The following ADGRL3 variants were observed in gnomAD, a reference collection of about 807,000 sequenced individuals.
The protein encoded by ADGRL3 is calcium-independent alpha-latrotoxin receptor 3.
Under a neutral mutation model 153.5 loss-of-function variants are expected in ADGRL3, and 62 were observed. The observed-to-expected ratio is 0.40, with a 90% CI of 0.33 to 0.50. The LOEUF is 0.50. ADGRL3 is among the 20% of genes least tolerant of loss of function. The pLI is 0.47. For missense variants in ADGRL3, 1,641 were observed against 1,859.4 expected (o/e 0.88, Z 2.16); for synonymous variants, 710 against 672.5 (o/e 1.06, Z -0.86).
At chr4:61,878,858 C>T (rs114640023) in intron 9 of ADGRL3, among the ~76,000 whole-genome samples, 1 of 152,106 alleles carries the variant, frequency 6.6e-6, no homozygotes, top group Non-Finnish European at 1.5e-5. Context: ...CTTCCAAGGG[C>T]TAAGGTATGA....
At chr4:61,598,212 G>T (rs1298697840) in intron 5 of ADGRL3, among the ~76,000 whole-genome samples, 1 of 151,962 alleles carries the variant, frequency 6.6e-6, no homozygotes, top group African/African-American at 2.4e-5. Context: ...ATTTTTCATG[G>T]AAAGGCATAG....
chr4:61,474,138 C>T (rs188565139), intron 2 of ADGRL3, among the ~76,000 whole-genome samples: 108 of 152,190 alleles, frequency 7.1e-4, no homozygotes, highest in African/African-American at 2.4e-3. Context: ...AGCCAGCAGA[C>T]AGAACATTTT....
intron 6 of ADGRL3, among the ~76,000 whole-genome samples, chr4:61,708,901 C>G (rs1445851202): frequency 6.6e-6 from 1 of 152,042 alleles, no homozygotes; most frequent in African/African-American, 2.4e-5. Context: ...CCTCTGCCTC[C>G]TGGGTTCAAG....
chr4:61,469,451 C>T (rs1164685550), intron 2 of ADGRL3, among the ~76,000 whole-genome samples: 1 of 151,998 alleles, frequency 6.6e-6, no homozygotes, highest in African/African-American at 2.4e-5. Flanking sequence ...GCTCTCATGA[C>T]CCATGTAGTT....
At chr4:61,358,089 C>T (rs1016139918) in intron 1 of ADGRL3, among the ~76,000 whole-genome samples, 4 of 152,138 alleles carry the variant, frequency 2.6e-5, no homozygotes, top group Non-Finnish European at 5.9e-5. Flanking sequence ...TAGTTCTTAA[C>T]CATTTTACCA....
intron 17 of ADGRL3, among the ~76,000 whole-genome samples, chr4:61,950,861 G>T (rs1203948906): frequency 6.6e-6 from 1 of 152,146 alleles, no homozygotes; most frequent in Non-Finnish European, 1.5e-5. Context: ...CAGCATGGGG[G>T]CTTACAGTGA....
chr4:61,569,380 T>C lies in ADGRL3; in HGVS notation c.260-17847T>C, dbSNP rs1009604118. The stretch of plus-strand genomic sequence containing the variant: ...TCTTCACAATCTAGAATTTAGAATA[T>C]TTTAATCATCCCAAAAAGGAAAGCT... On this transcript the variant is annotated intron_variant, in intron 4 of 26. Coordinates refer to ENST00000683033, the MANE Select transcript of ADGRL3 (RefSeq NM_001387552.1). Among the ~76,000 whole-genome samples, 6 of 152,264 alleles carry C rather than the reference T, an allele frequency of 3.9e-5. No homozygotes were observed. The East Asian group carries it at 9.7e-4, about 25-fold the overall frequency.
chr4:61,911,166 G>A lies in ADGRL3; in HGVS notation c.2073+1421G>A, dbSNP rs150925720. ...CCAGCTATTGTTATCATAATGTACC[G>A]GATGTAGTCATTTCTATTAATGTTA... On this transcript the variant is annotated intron_variant, in intron 12 of 26. Coordinates refer to ENST00000683033, the MANE Select transcript of ADGRL3 (RefSeq NM_001387552.1). Among the ~76,000 whole-genome samples, 674 of 152,086 alleles carry A rather than the reference G, an allele frequency of 4.4e-3. 3 individuals are homozygous for A. The highest frequency in any genetic ancestry group is 7.8e-3 in the Non-Finnish European group (529 of 68,006).
At chr4:61,249,044 C>G (rs573066018) in intron 1 of ADGRL3, among the ~76,000 whole-genome samples, 11 of 152,234 alleles carry the variant, frequency 7.2e-5, no homozygotes, top group African/African-American at 2.6e-4. Flanking sequence ...TTCCTGTTTC[C>G]AACAGGATGC....
At chr4:61,843,499 T>TA (rs2098064873) in intron 9 of ADGRL3, among the ~76,000 whole-genome samples, 1 of 152,112 alleles carries the variant, frequency 6.6e-6, no homozygotes, top group African/African-American at 2.4e-5. Context: ...TGTTGGCTGA[T>TA]ACAATATGCA....
intron 17 of ADGRL3, among the ~76,000 whole-genome samples, chr4:61,952,705 A>C (rs1044763717): frequency 6.6e-6 from 1 of 152,198 alleles, no homozygotes; most frequent in Admixed American, 6.5e-5. Flanking sequence ...TTGGCTATAT[A>C]TTAACAAGTA....
intron 15 of ADGRL3, among the ~76,000 whole-genome samples, chr4:61,946,113 T>G (rs2098922339): frequency 6.6e-6 from 1 of 152,208 alleles, no homozygotes; most frequent in Non-Finnish European, 1.5e-5. Flanking sequence ...GAAAGGTAGA[T>G]GTATGTTTAA....
At position 61,934,899 on chromosome 4, in the gene ADGRL3, C is replaced by G; in HGVS notation, c.2172C>G (p.Asp724Glu). The G allele has an allele frequency of 6.2e-7, 1 of 1,613,806 alleles. No individual in the cohort carries two copies. The change falls in exon 14 of 27, where the codon GAC becomes GAG. Residue 724 changes from aspartate (D) to glutamate (E), a missense_variant. Physicochemically the swap from Asp to Glu is conservative, Grantham distance 45. Around this residue, in one of 5 missense-constraint regions of ADGRL3, gnomAD observed 734 missense variants for 797.0 expected, o/e 0.92. Transcript: ENST00000683033. ...LQPQALNAWR[D>E]LTTSDQLRAA... is the part of the protein sequence containing the mutation. ...CACAAGCTTTGAATGCATGGAGAGACCTGACTACGAGTGATCAGCTGCGTG... is the reference window on the plus strand; with the variant it reads ...CACAAGCTTTGAATGCATGGAGAGAGCTGACTACGAGTGATCAGCTGCGTG...
chr4:61,908,647 G>A (rs1370547820), intron 11 of ADGRL3, among the ~76,000 whole-genome samples: 1 of 150,234 alleles, frequency 6.7e-6, no homozygotes, highest in Non-Finnish European at 1.5e-5. Flanking sequence ...TGAGAATATA[G>A]CAAGGTGAAA....
chr4:61,812,794 A>G (rs572981163), intron 8 of ADGRL3, among the ~76,000 whole-genome samples: 3 of 152,320 alleles, frequency 2.0e-5, no homozygotes, highest in South Asian at 4.1e-4. Flanking sequence ...CTTTCATCTC[A>G]TAAAACAGAA....
At chr4:61,739,377 C>T (rs2096556920) in intron 8 of ADGRL3, among the ~76,000 whole-genome samples, 1 of 151,542 alleles carries the variant, frequency 6.6e-6, no homozygotes, top group South Asian at 2.1e-4. Flanking sequence ...CACACAGTCT[C>T]GGCTAACTAC....
chr4:61,845,686 T>G (rs1054185284), intron 9 of ADGRL3, among the ~76,000 whole-genome samples: 3 of 151,880 alleles, frequency 2.0e-5, no homozygotes, highest in African/African-American at 7.3e-5. Context: ...TTATTAACAA[T>G]TATATAGTTC....
intron 1 of ADGRL3, among the ~76,000 whole-genome samples, chr4:61,326,024 T>G (rs1044046446): frequency 6.6e-6 from 1 of 151,978 alleles, no homozygotes; most frequent in Non-Finnish European, 1.5e-5. Context: ...GGAATAAGGG[T>G]CCTCAGCTAA....
intron 5 of ADGRL3, among the ~76,000 whole-genome samples, chr4:61,635,803 T>C (rs2093397549): frequency 6.6e-6 from 1 of 152,038 alleles, no homozygotes; most frequent in South Asian, 2.1e-4. Context: ...TTTCCTTGGC[T>C]TGAAGATTGC....
Sources: gnomAD v4.1 joint callset for allele counts (sites outside exome capture counted in the v4.1 genomes callset) on GRCh38, gnomAD v4.1.1 for gene constraint, gnomAD v4.1.1 regional missense constraint, MANE v1.5 for transcripts, NCBI Gene and HGNC (gene_info 2026-07-23, HGNC 2026-07-21) for gene names.